The following PTPN13 variants were observed in gnomAD, a reference collection of about 807,000 sequenced individuals.
PTPN13 encodes protein tyrosine phosphatase non-receptor type 13, also known as tyrosine-protein phosphatase non-receptor type 13.
A neutral mutation model predicts 284.0 loss-of-function variants in PTPN13; 191 were observed. The observed-to-expected ratio is 0.67, with a 90% CI of 0.60 to 0.76. The LOEUF (loss-of-function observed/expected upper bound fraction) is 0.76, where lower values mean the gene tolerates loss of function less well. Among genes scored for constraint, PTPN13 ranks in the 30% least tolerant of loss-of-function variants. The probability of loss-of-function intolerance (pLI) is 0.00; values close to 1 mark genes in which losing one functional copy is unlikely to be tolerated. For missense variants in PTPN13, 2,797 were observed against 2,939.9 expected (o/e 0.95, Z 1.12); for synonymous variants, 986 against 1,022.3 (o/e 0.96, Z 0.68).
At chr4:86,678,640 A>G (rs1728552458) in intron 3 of PTPN13, among the ~76,000 whole-genome samples, 1 of 152,144 alleles carries the variant, frequency 6.6e-6, no homozygotes, top group African/African-American at 2.4e-5. Context: ...ATACCCTGAA[A>G]CTTTTCTCCC....
chr4:86,802,942 T>C (rs999503890), intron 42 of PTPN13, among the ~76,000 whole-genome samples: 3 of 151,804 alleles, frequency 2.0e-5, no homozygotes, highest in African/African-American at 7.3e-5. Context: ...GGCGTGGTGG[T>C]GCTTACCTGT....
intron 43 of PTPN13, among the ~76,000 whole-genome samples, chr4:86,804,664 G>A (rs1744464197): frequency 6.6e-6 from 1 of 152,102 alleles, no homozygotes; most frequent in Non-Finnish European, 1.5e-5. Flanking sequence ...ATTTCTTCAA[G>A]GCATATACTA....
intron 31 of PTPN13, 120 bp from the exon 32 acceptor site, chr4:86,772,658 C>A: frequency 1.3e-6 from 1 of 774,824 alleles, no homozygotes; most frequent in Non-Finnish European, 2.0e-6. Context: ...CAAAAAGTAA[C>A]TAGGATCTCA....
In PTPN13 at chr4:86,734,796, G is replaced by A. The variant is rs1332447126; in HGVS notation, c.2072G>A (p.Arg691Lys). ...CTTCGAAAAGATATTTTGGAGGAAA[G>A]GATGCACTGTGATGATGAGACTTCC... is the stretch of plus-strand genomic sequence containing the variant. Reference protein sequence around the residue: ...LQLRKDILEERMHCDDETSLL... With the variant: ...LQLRKDILEEKMHCDDETSLL... Residue 691 changes from arginine to lysine, a missense_variant, in exon 14 of 48, where the codon AGG becomes AAG. Arg to Lys is a conservative substitution (Grantham distance 26). Coordinates refer to ENST00000411767, the MANE Select transcript of PTPN13 (RefSeq NM_080683.3). The A allele has an allele frequency of 5.0e-6, 8 of 1,613,258 alleles. No individual in the cohort carries two copies. The highest frequency in any genetic ancestry group is 2.7e-5 in the African/African-American group (2 of 74,872).
intron 7 of PTPN13, among the ~76,000 whole-genome samples, chr4:86,704,798 A>G (rs927714947): frequency 5.9e-5 from 9 of 152,180 alleles, no homozygotes; most frequent in African/African-American, 1.9e-4. Flanking sequence ...CCCAGAGGAT[A>G]TTTTACAACC....
chr4:86,774,509 A>G lies in PTPN13; in HGVS notation c.5486A>G (p.Lys1829Arg). The G allele has an allele frequency of 6.2e-7, 1 of 1,602,762 alleles. No individual in the cohort carries two copies. The highest frequency in any genetic ancestry group is 8.5e-7 in the Non-Finnish European group (1 of 1,174,412). ...QDPAKSDGRL[K>R]PGDRLIKVND... Reference sequence around the variant, plus strand: ...CCAGCCAAAAGTGATGGAAGGCTAAAACCTGGGGACCGGCTCATAAAGGTG... The same window carrying G: ...CCAGCCAAAAGTGATGGAAGGCTAAGACCTGGGGACCGGCTCATAAAGGTG... Residue 1829 changes from lysine to arginine, a missense_variant, in exon 33 of 48, where the codon AAA (lysine) becomes AGA (arginine). Transcript: ENST00000411767.
At chr4:86,786,158 C>T (rs1037617305) in intron 40 of PTPN13, among the ~76,000 whole-genome samples, 2 of 150,888 alleles carry the variant, frequency 1.3e-5, no homozygotes, top group Non-Finnish European at 3.0e-5. Flanking sequence ...GAAAAAAAAA[C>T]AATTAGTTTT....
chr4:86,750,969 T>C, intron 18 of PTPN13, 58 bp from the exon 19 acceptor site: 1 of 1,561,206 alleles, frequency 6.4e-7, no homozygotes, highest in Non-Finnish European at 8.7e-7. Flanking sequence ...CATTTTATTA[T>C]TTTCACCATA....
At chr4:86,667,737 A>G (rs528712658) in intron 2 of PTPN13, among the ~76,000 whole-genome samples, 1 of 152,328 alleles carries the variant, frequency 6.6e-6, no homozygotes, top group African/African-American at 2.4e-5. Flanking sequence ...ACCCTAATAG[A>G]ACGTATAAAA....
intron 44 of PTPN13, among the ~76,000 whole-genome samples, chr4:86,805,785 A>T (rs953624821): frequency 6.6e-6 from 1 of 152,210 alleles, no homozygotes; most frequent in African/African-American, 2.4e-5. Context: ...GGTAATGAAT[A>T]GCTGTATATA....
At chr4:86,800,228 T>C (rs1302209277) in intron 42 of PTPN13, among the ~76,000 whole-genome samples, 1 of 152,200 alleles carries the variant, frequency 6.6e-6, no homozygotes, top group Admixed American at 6.5e-5. Context: ...TTTCATTTTA[T>C]TACTGAGCCA....
intron 6 of PTPN13, among the ~76,000 whole-genome samples, chr4:86,699,803 C>T (rs1730963872): frequency 6.6e-6 from 1 of 152,014 alleles, no homozygotes; most frequent in South Asian, 2.1e-4. Context: ...TATCTCTGTT[C>T]TCTATTCAAT....
chr4:86,604,984 G>GGAGT (rs1764622221), intron 1 of PTPN13, among the ~76,000 whole-genome samples: 1 of 152,016 alleles, frequency 6.6e-6, no homozygotes, highest in Non-Finnish European at 1.5e-5. Context: ...ATTCACTTGG[G>GGAGT]GAGTAGAGTG....
At chr4:86,717,790 A>C (rs1733199172) in intron 9 of PTPN13, among the ~76,000 whole-genome samples, 1 of 152,190 alleles carries the variant, frequency 6.6e-6, no homozygotes, top group Admixed American at 6.5e-5. Context: ...TCAGCCAGCA[A>C]GCTTTCAGTG....
chr4:86,722,862 T>C (rs1462514809), intron 10 of PTPN13, among the ~76,000 whole-genome samples: 1 of 152,196 alleles, frequency 6.6e-6, no homozygotes, highest in Non-Finnish European at 1.5e-5. Context: ...TCTGTGATTC[T>C]CAGAATTTTA....
intron 9 of PTPN13, among the ~76,000 whole-genome samples, chr4:86,721,704 TCCCCCTCTCCCTCCCCCTCCCCTTC>T (rs1003039071): frequency 3.1e-5 from 1 of 32,514 alleles, no homozygotes; most frequent in Non-Finnish European, 6.1e-5. Context: ...CCCCGCTCCC[TCCCCCTCTCCCTCCCCCTCCCCTTC>T]CCCCTTCCCC....
chr4:86,718,982 A>G (rs1184577221), intron 9 of PTPN13, among the ~76,000 whole-genome samples: 1 of 151,916 alleles, frequency 6.6e-6, no homozygotes, highest in African/African-American at 2.4e-5. Context: ...TTTTCTTTTT[A>G]TTTTTTAACA....
intron 47 of PTPN13, among the ~76,000 whole-genome samples, chr4:86,813,894 T>C (rs1745502722): frequency 6.6e-6 from 1 of 151,898 alleles, no homozygotes; most frequent in Admixed American, 6.6e-5. Flanking sequence ...CAGTTAGCAC[T>C]CTAGGATAGT....
intron 1 of PTPN13, among the ~76,000 whole-genome samples, chr4:86,600,208 T>C (rs1178268680): frequency 6.6e-6 from 1 of 152,030 alleles, no homozygotes; most frequent in African/African-American, 2.4e-5. Flanking sequence ...TAAGACTGTG[T>C]CATCAAACTT....
Sources: allele counts gnomAD v4.1 joint callset (sites outside exome capture counted in the v4.1 genomes callset), GRCh38; gene constraint gnomAD v4.1.1; transcripts MANE v1.5; gene names NCBI Gene and HGNC (gene_info 2026-07-23, HGNC 2026-07-21).